TMEM68: variants seen among roughly 807,000 people sequenced by gnomAD.
TMEM68 encodes transmembrane protein 68, also known as DGAT1/2-independent enzyme synthesizing storage lipids.
Under a neutral mutation model 36.9 loss-of-function variants are expected in TMEM68, and 25 were observed. The observed-to-expected ratio is 0.68, with a 90% CI of 0.49 to 0.95. TMEM68 has a LOEUF of 0.95. Among genes scored for constraint, TMEM68 ranks in the 40% least tolerant of loss-of-function variants. The pLI, the probability that TMEM68 is intolerant of heterozygous loss-of-function variation, is 0.00. For missense variants in TMEM68, 333 were observed against 392.0 expected, an observed-to-expected ratio of 0.85 and a Z score of 1.27; for synonymous variants, 131 against 124.4, an observed-to-expected ratio of 1.05 and a Z score of -0.35.
chr8:55,746,595 G>C (rs1214316640), intron 5 of TMEM68: 1 of 151,942 alleles, frequency 6.6e-6, no homozygotes, highest in East Asian at 1.9e-4. Flanking sequence ...TTTGGTTGGG[G>C]GAGTATTACA....
At chr8:55,765,274 C>A (rs888550304) in intron 1 of TMEM68, among the ~76,000 whole-genome samples, 8 of 152,102 alleles carry the variant, frequency 5.3e-5, no homozygotes, top group African/African-American at 1.7e-4. Context: ...AAACAGCTGC[C>A]ATGAGCCACA....
chr8:55,759,379 TGGC>T lies in TMEM68; in HGVS notation c.326-2971_326-2969del, dbSNP rs1224473904. Among the ~76,000 whole-genome samples, 5 of 151,996 alleles carry T rather than the reference TGGC, an allele frequency of 3.3e-5. No individual in the cohort carries two copies. The East Asian group carries it at 9.7e-4, about 29-fold the overall frequency. On this transcript the variant is annotated intron_variant, in intron 3 of 7. Transcript: ENST00000434581. ...TGAGGTCAGGAGTTCAAGACCAGCC[TGGC>T]CAACATGGTGAAACCCCATCTCTAC...
At chr8:55,768,431 G>C (rs1298118765) in intron 1 of TMEM68, among the ~76,000 whole-genome samples, 2 of 152,150 alleles carry the variant, frequency 1.3e-5, no homozygotes, top group Non-Finnish European at 2.9e-5. Flanking sequence ...CTTTAAGACA[G>C]AGGCCAGGCA....
chr8:55,761,889 T>C (rs1390657461), intron 3 of TMEM68: 1 of 152,166 alleles, frequency 6.6e-6, no homozygotes, highest in Non-Finnish European at 1.5e-5. Context: ...AGAAAGCCAA[T>C]GTTTGTTACC....
chr8:55,741,240 A>T (rs1810094286), intron 7 of TMEM68, among the ~76,000 whole-genome samples: 1 of 152,112 alleles, frequency 6.6e-6, no homozygotes. Context: ...CTCAAAACAA[A>T]ACAAAACAAA....
chr8:55,748,980 C>G (rs1810360773), intron 5 of TMEM68, among the ~76,000 whole-genome samples: 1 of 152,160 alleles, frequency 6.6e-6, no homozygotes, highest in African/African-American at 2.4e-5. Context: ...AAGTTACTTA[C>G]CATGTTTAAG....
rs985401478 is a variant in TMEM68, at chr8:55,750,806, G to C, written c.687+158C>G. 4 of 658,902 alleles carry C rather than the reference G, an allele frequency of 6.1e-6. No homozygotes were observed. The African/African-American group carries it at 7.4e-5, about 12-fold the overall frequency. The allele number at this position is 658,902 out of a possible 1,614,324, so 40.8% of individuals were successfully genotyped here. A position where few individuals can be genotyped will look rare whatever the true frequency, so the allele number is the denominator to read the frequency against. On this transcript the variant is annotated intron_variant, in intron 5 of 7. Coordinates refer to ENST00000434581, the MANE Select transcript of TMEM68 (RefSeq NM_001286657.2). ...ATCCACCTCGGCCTCCCAAAGTGCT[G>C]AGATTACAGGCGTGAGCTACCACAC...
intron 1 of TMEM68, among the ~76,000 whole-genome samples, chr8:55,768,077 T>C (rs760006291): frequency 1.3e-5 from 2 of 152,068 alleles, no homozygotes; most frequent in African/African-American, 2.4e-5. Context: ...CATATTCTGC[T>C]GTTTTAAATG....
At chr8:55,744,904 T>C (rs997911819) in intron 6 of TMEM68, among the ~76,000 whole-genome samples, 157 bp downstream of exon 6, 3 of 152,220 alleles carry the variant, frequency 2.0e-5, no homozygotes, top group Non-Finnish European at 4.4e-5. Flanking sequence ...TGTCATTACG[T>C]AGAACTAGTT....
intron 1 of TMEM68, among the ~76,000 whole-genome samples, chr8:55,772,696 T>C (rs182905370): frequency 2.6e-5 from 4 of 152,256 alleles, no homozygotes; most frequent in Admixed American, 6.5e-5. Context: ...TCAACCCCAT[T>C]TCACAGGTGA....
chr8:55,758,563 T>C (rs1478169374), intron 3 of TMEM68, among the ~76,000 whole-genome samples: 2 of 152,208 alleles, frequency 1.3e-5, no homozygotes, highest in Non-Finnish European at 2.9e-5. Flanking sequence ...TCCCAACACT[T>C]TGGGAGACTG....
intron 5 of TMEM68, among the ~76,000 whole-genome samples, chr8:55,750,088 A>C (rs931339356): frequency 2.0e-5 from 3 of 152,168 alleles, no homozygotes; most frequent in Non-Finnish European, 4.4e-5. Context: ...CAATTCTTTC[A>C]AAATATAAAC....
At chr8:55,755,134 A>G (rs1810563885) in intron 4 of TMEM68, among the ~76,000 whole-genome samples, 1 of 151,156 alleles carries the variant, frequency 6.6e-6, no homozygotes, top group South Asian at 2.1e-4. Flanking sequence ...CCCCATATCT[A>G]AATAAATAAA....
At chr8:55,766,658 G>A (rs1229029337) in intron 1 of TMEM68, among the ~76,000 whole-genome samples, 2 of 152,122 alleles carry the variant, frequency 1.3e-5, no homozygotes, top group African/African-American at 4.8e-5. Context: ...TTACAGGCAT[G>A]AGCCACCGTG....
intron 4 of TMEM68, among the ~76,000 whole-genome samples, chr8:55,754,047 G>A (rs1273557101): frequency 4.6e-5 from 7 of 151,878 alleles, no homozygotes; most frequent in Non-Finnish European, 8.8e-5. Context: ...AGTCGCGATC[G>A]CACCATTGCA....
At chr8:55,755,471 C>G (rs1810574540) in intron 4 of TMEM68, among the ~76,000 whole-genome samples, 1 of 151,864 alleles carries the variant, frequency 6.6e-6, no homozygotes, top group Admixed American at 6.6e-5. Flanking sequence ...GGGGTTTCAC[C>G]ATGTTGGCCA....
At chr8:55,759,601 TA>T (rs1810721220) in intron 3 of TMEM68, among the ~76,000 whole-genome samples, 1 of 151,718 alleles carries the variant, frequency 6.6e-6, no homozygotes, top group Non-Finnish European at 1.5e-5. Context: ...TAAATAAAAC[TA>T]AAAAATACAT....
chr8:55,745,161 T>A, intron 5 of TMEM68, 40 bp from the exon 6 acceptor site: 1 of 1,363,160 alleles, frequency 7.3e-7, no homozygotes, highest in Non-Finnish European at 9.8e-7. Context: ...GTAAATAAAT[T>A]AATCCATTCA....
At chr8:55,740,535 T>C (rs1810067191) in intron 7 of TMEM68, among the ~76,000 whole-genome samples, 2 of 152,146 alleles carry the variant, frequency 1.3e-5, no homozygotes, top group Admixed American at 6.5e-5. Context: ...CTATTTTCTA[T>C]ATCAGACTGT....
Sources: allele counts gnomAD v4.1 joint callset (sites outside exome capture counted in the v4.1 genomes callset), GRCh38; gene constraint gnomAD v4.1.1; transcripts MANE v1.5; gene names NCBI Gene and HGNC (gene_info 2026-07-23, HGNC 2026-07-21).